KDM3A: variants seen among roughly 807,000 people sequenced by gnomAD.
The protein encoded by KDM3A is lysine demethylase 3A, also known as lysine-specific demethylase 3A.
Under a neutral mutation model 158.0 loss-of-function variants are expected in KDM3A, and 60 were observed. The observed-to-expected ratio is 0.38, with a 90% CI of 0.31 to 0.47. The LOEUF is 0.47. Ranked by LOEUF, KDM3A falls within the 20% of genes least tolerant of loss-of-function variation. The pLI is 0.99. For synonymous variants in KDM3A, 608 were observed against 549.3 expected (o/e 1.11, Z -1.49); for missense variants, 1,319 against 1,574.3 (o/e 0.84, Z 2.74).
chr2:86,463,855 A>G (rs1673023888), intron 8 of KDM3A, among the ~76,000 whole-genome samples, 198 bp from the exon 9 acceptor site: 1 of 152,234 alleles, frequency 6.6e-6, no homozygotes, highest in African/African-American at 2.4e-5. Flanking sequence ...AAGTTTTGTG[A>G]AAAGCTGGAG....
rs955888458 is a variant in KDM3A at position 86,474,910 on chromosome 2, A to G, written c.1859A>G (p.Tyr620Cys). 1 of 1,614,016 alleles carries G rather than the reference A, an allele frequency of 6.2e-7. No individual in the cohort carries two copies. Among genetic ancestry groups the G allele is most frequent in the Non-Finnish European group, 8.5e-7 (1 of 1,180,030 alleles). Reference protein sequence around the residue: ...VVGIDLDTAKYILANIGDHFC... With the variant: ...VVGIDLDTAKCILANIGDHFC... ...GGGATTGATTTGGACACAGCAAAGT[A>G]CATCTTGGCCAACATTGGAGACCAC... The change falls in exon 12 of 26, where the codon TAC (tyrosine) becomes TGC (cysteine). Residue 620 changes from tyrosine to cysteine, a missense_variant. Transcript: ENST00000312912.
chr2:86,456,672 T>A, intron 6 of KDM3A, 106 bp downstream of exon 6: 1 of 1,276,210 alleles, frequency 7.8e-7, no homozygotes, highest in Non-Finnish European at 1.1e-6. Flanking sequence ...TTTTATAGGG[T>A]AGAAATAATT....
In KDM3A at chr2:86,441,999, T is replaced by A. The variant is rs1682740625; in HGVS notation, c.-30-19T>A. On this transcript the variant is annotated intron_variant, in intron 1 of 25. Coordinates refer to ENST00000312912, the MANE Select transcript of KDM3A (RefSeq NM_018433.6). Reference sequence around the variant, plus strand: ...CCCACCGGCCGCCCCCGTCGCATTTTGTTTTTGTGTTTTTGCAGGGAGGAG... The same window carrying A: ...CCCACCGGCCGCCCCCGTCGCATTTAGTTTTTGTGTTTTTGCAGGGAGGAG... 1 of 1,604,968 alleles carries A rather than the reference T, an allele frequency of 6.2e-7. No homozygotes were observed.
At chr2:86,441,943 C>T in intron 1 of KDM3A, 75 bp from the exon 2 acceptor site, 2 of 1,239,172 alleles carry the variant, frequency 1.6e-6, no homozygotes, top group East Asian at 2.6e-5. Context: ...GCCCTCCGCC[C>T]GCCCTCCCTG....
intron 20 of KDM3A, 83 bp from the exon 21 acceptor site, chr2:86,485,641 TTTTGG>T: frequency 6.7e-7 from 1 of 1,492,614 alleles, no homozygotes; most frequent in Non-Finnish European, 9.2e-7. Flanking sequence ...GATTTGTTCC[TTTTGG>T]TGTAGAAGGA....
intron 23 of KDM3A, 77 bp from the exon 24 acceptor site, chr2:86,490,804 C>A (rs72932316): frequency 0.15 from 168,908 of 1,101,564 alleles, 15,072 homozygotes; most frequent in African/African-American, 0.31. Flanking sequence ...GAACTGCCAA[C>A]ACTGTTTAGA....
intron 2 of KDM3A, 24 bp from the exon 3 acceptor site, chr2:86,449,783 C>G: frequency 3.8e-6 from 6 of 1,573,658 alleles, no homozygotes; most frequent in Non-Finnish European, 4.3e-6. Context: ...CTGCTTCCCC[C>G]ACCCCCCAAT....
At position 86,490,943 on chromosome 2, in the gene KDM3A, GTAT is replaced by G; in HGVS notation, c.3638_3640del (p.Tyr1213del). Reference sequence around the variant, plus strand: ...ACGATCCTATTCATGATCAAAGCTGGTATTTAGACCGATCATTAAGAAAACGTC... The same window carrying G: ...ACGATCCTATTCATGATCAAAGCTGGTTAGACCGATCATTAAGAAAACGTC... On this transcript the variant is annotated inframe_deletion, in exon 24 of 26. Transcript: ENST00000312912. 6.2e-7 allele frequency: 1 copy of G among 1,613,892 alleles called. No homozygotes were observed. The highest frequency in any genetic ancestry group is 8.5e-7 in the Non-Finnish European group (1 of 1,179,834).
chr2:86,486,340 C>T (rs948210312), intron 21 of KDM3A, among the ~76,000 whole-genome samples: 2 of 152,178 alleles, frequency 1.3e-5, no homozygotes, highest in African/African-American at 4.8e-5. Flanking sequence ...ATTCTTTTGA[C>T]ATGACTCAAT....
At chr2:86,463,174 T>C (rs1244792121) in intron 8 of KDM3A, among the ~76,000 whole-genome samples, 1 of 152,160 alleles carries the variant, frequency 6.6e-6, no homozygotes, top group African/African-American at 2.4e-5. Context: ...GAAGAAACTT[T>C]GGAGATTCTT....
chr2:86,466,094 T>G (rs57836876), intron 9 of KDM3A, among the ~76,000 whole-genome samples: 20,139 of 152,100 alleles, frequency 0.13, 1,451 homozygotes, highest in Middle Eastern at 0.16. Context: ...CATTGTGCTG[T>G]GAGAAGTAGA....
intron 23 of KDM3A, chr2:86,490,064 G>A: frequency 6.3e-6 from 1 of 157,550 alleles, no homozygotes; most frequent in Non-Finnish European, 1.4e-5. Flanking sequence ...GTTTGGTTTT[G>A]TCCACTGTCA....
chr2:86,445,178 G>A (rs1213571157), intron 2 of KDM3A, among the ~76,000 whole-genome samples: 3 of 152,092 alleles, frequency 2.0e-5, no homozygotes, highest in Non-Finnish European at 4.4e-5. Context: ...CCCTAGCACC[G>A]AGAACACTGC....
chr2:86,485,067 T>A, intron 20 of KDM3A, 38 bp downstream of exon 20: 1 of 1,133,440 alleles, frequency 8.8e-7, no homozygotes, highest in Non-Finnish European at 1.3e-6. Context: ...ATTCTGTCCT[T>A]CACTTGGTAG....
At chr2:86,479,722 A>G (rs1285075216) in intron 15 of KDM3A, 1 of 153,406 alleles carries the variant, frequency 6.5e-6, no homozygotes, top group Non-Finnish European at 1.5e-5. Flanking sequence ...CTAAGTCAAA[A>G]TAGCATTTTC....
At chr2:86,480,039 GCTAA>G in intron 15 of KDM3A, 124 bp from the exon 16 acceptor site, 3 of 696,402 alleles carry the variant, frequency 4.3e-6, no homozygotes, top group Non-Finnish European at 5.0e-6. Flanking sequence ...GATACCCAGG[GCTAA>G]CTATTAGGTG....
chr2:86,470,088 A>G lies in KDM3A; in HGVS notation c.1520-116A>G, dbSNP rs1033421427. On this transcript the variant is annotated intron_variant, in intron 10 of 25. Transcript: ENST00000312912. ...TTTAGAAATTACAATTGAACCAGGA[A>G]TTGAGAAGGGAGTTCTCTTTAAGGG... 8 of 765,152 alleles carry G rather than the reference A, an allele frequency of 1.0e-5. No individual in the cohort carries two copies. In the South Asian group the frequency reaches 1.3e-4, roughly 12 times the overall value. The allele number at this position is 765,152 out of a possible 1,614,324, so 47.4% of individuals were successfully genotyped here.
chr2:86,442,848 A>C (rs1044900635), intron 2 of KDM3A, among the ~76,000 whole-genome samples: 3 of 151,916 alleles, frequency 2.0e-5, no homozygotes, highest in African/African-American at 7.3e-5. Context: ...GATGGGGTGG[A>C]GCTGTCCCAT....
intron 2 of KDM3A, chr2:86,443,299 T>C (rs917587636): frequency 1.3e-5 from 2 of 152,224 alleles, no homozygotes; most frequent in African/African-American, 4.8e-5. Context: ...CAGTTGATTA[T>C]ATGTTGATTT....
Sources: gnomAD v4.1 joint callset for allele counts (sites outside exome capture counted in the v4.1 genomes callset) on GRCh38, gnomAD v4.1.1 for gene constraint, MANE v1.5 for transcripts, NCBI Gene and HGNC (gene_info 2026-07-23, HGNC 2026-07-21) for gene names.